The following SBK1 variants were observed in gnomAD, a reference collection of about 807,000 sequenced individuals.
The protein encoded by SBK1 is SH3 domain binding kinase 1.
SBK1 carries 11 observed loss-of-function variants against 24.4 expected under a neutral mutation model. The observed-to-expected ratio is 0.45, with a 90% CI of 0.28 to 0.75. The LOEUF is 0.75. Among genes scored for constraint, SBK1 ranks in the 30% least tolerant of loss-of-function variants. SBK1 has a pLI of 0.12. For missense variants in SBK1, 467 were observed against 620.5 expected, an observed-to-expected ratio of 0.75 and a Z score of 2.63; for synonymous variants, 308 against 284.4, an observed-to-expected ratio of 1.08 and a Z score of -0.83.
chr16:28,270,519 G>GA (rs2044458565), intron 1 of SBK1, among the ~76,000 whole-genome samples: 1 of 151,792 alleles, frequency 6.6e-6, no homozygotes, highest in African/African-American at 2.4e-5. Flanking sequence ...TCAACCTCCT[G>GA]AGCCCAAATG....
At chr16:28,275,722 A>G (rs1048493297) in intron 1 of SBK1, among the ~76,000 whole-genome samples, 1 of 152,048 alleles carries the variant, frequency 6.6e-6, no homozygotes, top group East Asian at 1.9e-4. Context: ...TCTACAAAAA[A>G]TAAGAAAATT....
In SBK1 at chr16:28,317,385, G is replaced by A. The variant is rs2044804900; in HGVS notation, c.-7G>A. 1 of 1,611,892 alleles carries A rather than the reference G, an allele frequency of 6.2e-7. No homozygotes were observed. Among genetic ancestry groups the A allele is most frequent in the African/African-American group, 1.3e-5 (1 of 74,902 alleles). The stretch of plus-strand genomic sequence containing the variant: ...CATGCTCACCACCCCTACCCAACAG[G>A]GAGAAGATGAGCGTGGGCTGCCCAG... On this transcript the variant is annotated splice_region_variant and 5_prime_UTR_variant, in exon 2 of 4. Transcript: ENST00000341901. This position sits in a 1 kb window ranked among gnomAD's most constrained non-coding sequence, Gnocchi z 4.2.
At chr16:28,280,149 A>ATATATATGTGTGTGTGTGTGTGTGTGTG (rs1230385223) in intron 1 of SBK1, among the ~76,000 whole-genome samples, 72 of 39,302 alleles carry the variant, frequency 1.8e-3, no homozygotes, top group Non-Finnish European at 3.2e-3. Context: ...ATATATATAT[A>ATATATATGTGTGTGTGTGTGTGTGTGTG]TGTGTGTGTG....
intron 1 of SBK1, among the ~76,000 whole-genome samples, chr16:28,298,132 T>A (rs754709868): frequency 6.6e-6 from 1 of 152,158 alleles, no homozygotes; most frequent in Non-Finnish European, 1.5e-5. Flanking sequence ...CTGCTCCCCC[T>A]TTCAGGTCTC....
chr16:28,293,840 T>A (rs1209951743), intron 1 of SBK1, among the ~76,000 whole-genome samples: 1 of 152,096 alleles, frequency 6.6e-6, no homozygotes, highest in East Asian at 1.9e-4. Flanking sequence ...GCATCTTCCC[T>A]GTGACTCTGC....
At position 28,293,205 on chromosome 16, in the gene SBK1, C is replaced by A; in HGVS notation, c.-103C>A. On this transcript the variant is annotated 5_prime_UTR_variant, in exon 1 of 4. Transcript: ENST00000341901. ...TGGCGGCACCGCTTGCACCCCGGTCCATGGTCGTGGCGCCCTGAGCCCCCG... is the reference window on the plus strand; with the variant it reads ...TGGCGGCACCGCTTGCACCCCGGTCAATGGTCGTGGCGCCCTGAGCCCCCG... 1.0e-6 allele frequency: 1 copy of A among 985,508 alleles called. No individual in the cohort carries two copies. The highest frequency in any genetic ancestry group is 1.7e-5 in the African/African-American group (1 of 57,362). The allele number at this position is 985,508 out of a possible 1,614,324, so 61.0% of individuals were successfully genotyped here.
chr16:28,311,546 A>G (rs1242090133), intron 1 of SBK1, among the ~76,000 whole-genome samples: 1 of 152,050 alleles, frequency 6.6e-6, no homozygotes, highest in Non-Finnish European at 1.5e-5. Flanking sequence ...CACAAAAAAT[A>G]AAAAATTAGC....
chr16:28,320,798 C>G lies in SBK1; in HGVS notation c.1152C>G (p.Pro384=), dbSNP rs2044836953. The stretch of plus-strand genomic sequence containing the variant: ...CCGTGCCGGTGCCGGTGCCAGTGCC[C>G]GTGCCGGTGCCTGTGCCCGAGCCCG... ...PLPVPVPVPV[P]VPVPVPEPGL... The change falls in exon 4 of 4, where the codon CCC becomes CCG. Residue 384 remains proline (P), a synonymous_variant. Transcript: ENST00000341901. The surrounding 1 kb of genome is among the most constrained non-coding windows in gnomAD (Gnocchi z 8.5). 2 of 1,432,414 alleles carry G rather than the reference C, an allele frequency of 1.4e-6. No individual in the cohort carries two copies. Among genetic ancestry groups the G allele is most frequent in the Middle Eastern group, 4.4e-4 (2 of 4,498 alleles). 88.7% of individuals were successfully genotyped at this position (1,432,414 alleles called of 1,614,324 possible).
chr16:28,299,831 G>A (rs940334932), intron 1 of SBK1, among the ~76,000 whole-genome samples: 2 of 152,148 alleles, frequency 1.3e-5, no homozygotes, highest in Non-Finnish European at 2.9e-5. Context: ...CCATGGCCTC[G>A]GAGGCCCTGA....
Position 28,322,931 on chromosome 16 carries a change from C to CTCTCTCTCTCTCTCT in SBK1, c.*2010_*2011insTCTCTCTCTCTCTCT. On this transcript the variant is annotated 3_prime_UTR_variant, in exon 4 of 4. Transcript: ENST00000341901. The stretch of plus-strand genomic sequence containing the variant: ...CTCTCTCGCGCGCGCTCTCTCTCTC[C>CTCTCTCTCTCTCTCT]CTCTCTCTCTCTCTCTCTCTCTCTC... 1.8e-5 allele frequency: 1 copy of CTCTCTCTCTCTCTCT among 55,352 alleles called. No homozygotes were observed. Among genetic ancestry groups the CTCTCTCTCTCTCTCT allele is most frequent in the Non-Finnish European group, 3.6e-5 (1 of 28,018 alleles). The allele number at this position is 55,352 out of a possible 1,614,324, so 3.4% of individuals were successfully genotyped here. A position where few individuals can be genotyped will look rare whatever the true frequency, so the allele number is the denominator to read the frequency against.
In SBK1 at chr16:28,269,055, A is replaced by G. The variant is rs945654715; in HGVS notation, c.257+9553A>G. 7.6e-5 allele frequency among the ~76,000 whole-genome samples: 10 copies of G among 130,790 alleles called. No individual in the cohort carries two copies. The East Asian group carries it at 2.4e-3, about 31-fold the overall frequency. 85.8% of individuals were successfully genotyped at this position (130,790 alleles called of 152,430 possible). ...TCCTTTTTTTTTTTTTTTTTTTGAG[A>G]TGGAGTCTTGCTCTGTCACCCAGGC... On this transcript the variant is annotated intron_variant, in intron 1 of 3. Transcript: ENST00000671413.
upstream of SBK1, among the ~76,000 whole-genome samples, chr16:28,287,807 G>A (rs1175959762): frequency 6.6e-6 from 1 of 152,102 alleles, no homozygotes; most frequent in East Asian, 1.9e-4. Context: ...GAGACTACAG[G>A]TGCGTGCCAC....
chr16:28,276,530 T>C (rs935026662), intron 1 of SBK1, among the ~76,000 whole-genome samples: 4 of 152,102 alleles, frequency 2.6e-5, no homozygotes, highest in African/African-American at 7.2e-5. Context: ...GTTGGTCCTA[T>C]AGCAGGACAG....
At position 28,280,143 on chromosome 16, in the gene SBK1, A is replaced by ATGTG. The variant is rs1187072862; in HGVS notation, c.257+20642_257+20643insGTGT. Among the ~76,000 whole-genome samples, 16 of 57,226 alleles carry ATGTG rather than the reference A, an allele frequency of 2.8e-4. No homozygotes were observed. In the South Asian group the frequency reaches 5.0e-3, roughly 18 times the overall value. 37.5% of individuals were successfully genotyped at this position (57,226 alleles called of 152,430 possible). On this transcript the variant is annotated intron_variant, in intron 1 of 3. Transcript: ENST00000671413. ...TATATATATATATATATATATATATATATATATGTGTGTGTGTGTGTGTGT... is the reference window on the plus strand; with the variant it reads ...TATATATATATATATATATATATATATGTGTATATATGTGTGTGTGTGTGTGTGT...
At chr16:28,267,902 C>A (rs1425830585) in intron 1 of SBK1, among the ~76,000 whole-genome samples, 1 of 152,158 alleles carries the variant, frequency 6.6e-6, no homozygotes, top group Non-Finnish European at 1.5e-5. Context: ...AATCCCAGCG[C>A]TTTGGGAGGC....
rs1456298141 is a variant in SBK1, at chr16:28,292,572, G to C, written c.-736G>C. ...CGGGCGGGCGCCGGGGCCGGGGCCC[G>C]AGCGCCAGGCGGAGCGCGAGCTGGA... On this transcript the variant is annotated 5_prime_UTR_variant, in exon 1 of 4. Coordinates refer to ENST00000341901, the MANE Select transcript of SBK1 (RefSeq NM_001024401.3). 1 of 979,468 alleles carries C rather than the reference G, an allele frequency of 1.0e-6. No individual in the cohort carries two copies. Among genetic ancestry groups the C allele is most frequent in the African/African-American group, 1.8e-5 (1 of 56,536 alleles). 60.7% of individuals were successfully genotyped at this position (979,468 alleles called of 1,614,324 possible).
At chr16:28,283,383 T>C (rs2044545659) in intron 1 of SBK1, among the ~76,000 whole-genome samples, 1 of 152,130 alleles carries the variant, frequency 6.6e-6, no homozygotes. Context: ...GATCAAACGA[T>C]GACAAGGATT....
intron 1 of SBK1, among the ~76,000 whole-genome samples, chr16:28,279,690 C>T (rs1252098452): frequency 6.6e-6 from 1 of 152,064 alleles, no homozygotes; most frequent in Non-Finnish European, 1.5e-5. Context: ...TGGTGGCCTT[C>T]GAGGTGACTG....
In SBK1 at chr16:28,317,405, G is replaced by C. The variant is rs773188583; in HGVS notation, c.14G>C (p.Cys5Ser). ...AACAGGGAGAAGATGAGCGTGGGCT[G>C]CCCAGAGCCTGAGCCGCCCCGCTCC... MSVGCPEPEPPRSLT... is the reference protein window; with the variant it reads MSVGSPEPEPPRSLT... The change falls in exon 2 of 4, where the codon TGC (cysteine) becomes TCC (serine). Residue 5 changes from cysteine to serine, a missense_variant. Transcript: ENST00000341901. The surrounding 1 kb of genome is among the most constrained non-coding windows in gnomAD (Gnocchi z 4.2). 1.2e-6 allele frequency: 2 copies of C among 1,613,806 alleles called. No individual in the cohort carries two copies. The highest frequency in any genetic ancestry group is 3.3e-5 in the Admixed American group (2 of 60,010).
Sources: gnomAD v4.1 joint callset for allele counts (sites outside exome capture counted in the v4.1 genomes callset) on GRCh38, gnomAD v4.1.1 for gene constraint, Gnocchi (gnomAD v3.1) non-coding constraint, MANE v1.5 for transcripts, NCBI Gene and HGNC (gene_info 2026-07-23, HGNC 2026-07-21) for gene names.